Variants in LRRC28 observed in about 807,000 individuals in gnomAD.
LRRC28 encodes leucine rich repeat containing 28, also known as leucine-rich repeat-containing protein 28.
A neutral mutation model predicts 45.7 loss-of-function variants in LRRC28; 39 were observed. The observed-to-expected ratio is 0.85, with a 90% CI of 0.66 to 1.12. The LOEUF is 1.12. LRRC28 is among the 50% of genes most tolerant of loss of function. LRRC28 has a pLI of 0.00. For synonymous variants in LRRC28, 206 were observed against 178.8 expected (o/e 1.15, Z -1.22); for missense variants, 435 against 438.5 (o/e 0.99, Z 0.07).
chr15:99,315,400 C>T (rs1955558121), intron 5 of LRRC28, among the ~76,000 whole-genome samples: 1 of 152,034 alleles, frequency 6.6e-6, no homozygotes, highest in Non-Finnish European at 1.5e-5. Flanking sequence ...TTCTTATTCT[C>T]TTATTATAGG....
chr15:99,360,148 C>T (rs1036961855), intron 7 of LRRC28, among the ~76,000 whole-genome samples: 1 of 152,156 alleles, frequency 6.6e-6, no homozygotes, highest in East Asian at 1.9e-4. Flanking sequence ...GCCTCCTTCC[C>T]CTGTCCATCC....
chr15:99,267,182 T>C (rs1481340440), intron 2 of LRRC28, among the ~76,000 whole-genome samples: 1 of 152,254 alleles, frequency 6.6e-6, no homozygotes, highest in East Asian at 1.9e-4. Context: ...GTTTATGCCA[T>C]ATTGACATAG....
intron 6 of LRRC28, among the ~76,000 whole-genome samples, chr15:99,336,688 T>C (rs7173844): frequency 0.51 from 77,459 of 151,972 alleles, 20,892 homozygotes; most frequent in African/African-American, 0.71. Context: ...TCTGGCCTAG[T>C]GTCAGTAGCT....
At chr15:99,287,217 C>G in intron 3 of LRRC28, 40 bp from the exon 4 acceptor site, 1 of 1,520,960 alleles carries the variant, frequency 6.6e-7, no homozygotes, top group African/African-American at 1.4e-5. Flanking sequence ...GGCAAAAGTA[C>G]TTAATGATAA....
intron 3 of LRRC28, among the ~76,000 whole-genome samples, chr15:99,281,775 G>C (rs908566865): frequency 3.9e-5 from 6 of 152,118 alleles, no homozygotes; most frequent in African/African-American, 7.2e-5. Flanking sequence ...TGTTAGGATA[G>C]GTGGTTAGGT....
rs751935029 is a variant in LRRC28, at chr15:99,256,012, A to C, written c.55A>C (p.Asn19His). The change falls in exon 2 of 10, where the codon AAT (asparagine) becomes CAT (histidine). Residue 19 changes from asparagine (N) to histidine (H), a missense_variant. Transcript: ENST00000301981. Reference sequence around the variant, plus strand: ...TGTGGCAAGGCTAGAAAAGCACAAGAATTTGTTCTTAAATTATAGGAATCT... The same window carrying C: ...TGTGGCAAGGCTAGAAAAGCACAAGCATTTGTTCTTAAATTATAGGAATCT... ...ISVARLEKHK[N>H]LFLNYRNLHH... is the part of the protein sequence containing the mutation. The C allele has an allele frequency of 1.9e-6, 3 of 1,613,494 alleles. No individual in the cohort carries two copies. In the East Asian group the frequency reaches 6.7e-5, roughly 36 times the overall value.
chr15:99,300,365 A>T (rs1440406427), intron 5 of LRRC28, among the ~76,000 whole-genome samples: 2 of 152,164 alleles, frequency 1.3e-5, no homozygotes, highest in East Asian at 1.9e-4. Context: ...ATATAAATGC[A>T]TATTTTTCTG....
chr15:99,279,002 C>T (rs2081701766), intron 3 of LRRC28, among the ~76,000 whole-genome samples: 1 of 152,210 alleles, frequency 6.6e-6, no homozygotes, highest in Admixed American at 6.5e-5. Context: ...GGATAGTTCA[C>T]AACATAGCAA....
intron 1 of LRRC28, among the ~76,000 whole-genome samples, chr15:99,254,440 G>A (rs919268316): frequency 6.6e-6 from 1 of 152,132 alleles, no homozygotes; most frequent in Non-Finnish European, 1.5e-5. Context: ...TACTAATTTG[G>A]TATTAATTCC....
chr15:99,292,075 T>C (rs1014005977), intron 5 of LRRC28, among the ~76,000 whole-genome samples: 2 of 152,234 alleles, frequency 1.3e-5, no homozygotes, highest in African/African-American at 4.8e-5. Context: ...TCTGACTTTC[T>C]GTGCCTCGAG....
chr15:99,381,756 A>T (rs1597476378), intron 9 of LRRC28, among the ~76,000 whole-genome samples: 1 of 152,044 alleles, frequency 6.6e-6, no homozygotes, highest in African/African-American at 2.4e-5. Flanking sequence ...AACAGTCAGG[A>T]CCCTTAGCTG....
At chr15:99,315,510 G>C (rs1357221520) in intron 5 of LRRC28, among the ~76,000 whole-genome samples, 1 of 152,182 alleles carries the variant, frequency 6.6e-6, no homozygotes, top group African/African-American at 2.4e-5. Flanking sequence ...GCTATTGACA[G>C]TCCATATGCT....
At chr15:99,290,201 G>C (rs2082082595) in intron 5 of LRRC28, among the ~76,000 whole-genome samples, 1 of 150,940 alleles carries the variant, frequency 6.6e-6, no homozygotes. Flanking sequence ...GGAGGTTGCA[G>C]TGAGCCGAGA....
intron 9 of LRRC28, among the ~76,000 whole-genome samples, chr15:99,379,600 TCTTG>T (rs1322328454): frequency 3.3e-5 from 5 of 152,238 alleles, no homozygotes; most frequent in African/African-American, 7.2e-5. Flanking sequence ...ATGTGTTTGC[TCTTG>T]CTTCTCTAAT....
At chr15:99,272,862 T>A (rs1025615642) in intron 2 of LRRC28, among the ~76,000 whole-genome samples, 1 of 152,204 alleles carries the variant, frequency 6.6e-6, no homozygotes, top group Non-Finnish European at 1.5e-5. Context: ...AGAAGCACTT[T>A]AAGACTATTG....
In LRRC28 at chr15:99,373,131, A is replaced by C. The variant is rs1052690490; in HGVS notation, c.1031+9866A>C. Among the ~76,000 whole-genome samples the C allele has an allele frequency of 3.9e-5, 6 of 152,140 alleles. 1 individual carries two copies. The highest frequency in any genetic ancestry group is 1.4e-4 in the African/African-American group (6 of 41,426). On this transcript the variant is annotated intron_variant, in intron 9 of 9. Coordinates refer to ENST00000301981, the MANE Select transcript of LRRC28 (RefSeq NM_144598.5). ...GGTGGGGACGCAGCTAAACCATATG[A>C]GGAGCTTTATTTTTAAAAACTAAAT... is the stretch of plus-strand genomic sequence containing the variant.
intron 5 of LRRC28, chr15:99,333,605 G>A (rs1956225205): frequency 6.1e-6 from 2 of 326,774 alleles, no homozygotes; most frequent in African/African-American, 2.1e-5. Flanking sequence ...TCTCACCCTG[G>A]CAACAAACTT....
chr15:99,288,112 C>CT (rs368868989), intron 5 of LRRC28, among the ~76,000 whole-genome samples, 161 bp downstream of exon 5: 1 of 152,118 alleles, frequency 6.6e-6, no homozygotes, highest in East Asian at 1.9e-4. Context: ...TACTAAGAGT[C>CT]TTTTTTGTGA....
At chr15:99,266,303 A>T (rs2081330891) in intron 2 of LRRC28, among the ~76,000 whole-genome samples, 1 of 152,170 alleles carries the variant, frequency 6.6e-6, no homozygotes, top group Middle Eastern at 3.2e-3. Context: ...ACGTAAAAAG[A>T]TGTTCAACTT....
Sources: allele counts gnomAD v4.1 joint callset (sites outside exome capture counted in the v4.1 genomes callset), GRCh38; gene constraint gnomAD v4.1.1; transcripts MANE v1.5; gene names NCBI Gene and HGNC (gene_info 2026-07-23, HGNC 2026-07-21).